NUAK1: variants seen among roughly 807,000 people sequenced by gnomAD.
NUAK1 encodes the protein NUAK family kinase 1.
Under a neutral mutation model 56.9 loss-of-function variants are expected in NUAK1, and 26 were observed. That is an observed-to-expected ratio of 0.46 (90% confidence interval 0.33 to 0.63). NUAK1 has a LOEUF of 0.63. Among genes scored for constraint, NUAK1 ranks in the 30% least tolerant of loss-of-function variants. NUAK1 has a pLI of 0.02. For missense variants in NUAK1, 727 were observed against 876.1 expected (o/e 0.83, Z 2.15); for synonymous variants, 337 against 336.0 (o/e 1.00, Z -0.03).
At chr12:106,097,943 C>T (rs2032711122) in intron 2 of NUAK1, among the ~76,000 whole-genome samples, 1 of 152,222 alleles carries the variant, frequency 6.6e-6, no homozygotes, top group Admixed American at 6.5e-5. Flanking sequence ...GGAGCAGCAA[C>T]ACTTTCTGAT....
At chr12:106,115,507 C>T (rs1317308413) in intron 1 of NUAK1, among the ~76,000 whole-genome samples, 1 of 152,182 alleles carries the variant, frequency 6.6e-6, no homozygotes, top group African/African-American at 2.4e-5. Flanking sequence ...CTCAGGAGCC[C>T]CCGAGGCCTC....
At chr12:106,068,694 G>A (rs2032370833) in intron 6 of NUAK1, among the ~76,000 whole-genome samples, 1 of 152,224 alleles carries the variant, frequency 6.6e-6, no homozygotes, top group Admixed American at 6.5e-5. Context: ...AGAGAATTAG[G>A]GAAAACCCCT....
At chr12:106,087,258 G>A (rs7301800) in intron 2 of NUAK1, among the ~76,000 whole-genome samples, 34,330 of 152,140 alleles carry the variant, frequency 0.23, 3,956 homozygotes, top group East Asian at 0.4. Context: ...CACTGGATAC[G>A]GACCAGGTAG....
intron 1 of NUAK1, among the ~76,000 whole-genome samples, chr12:106,135,776 G>A (rs1202465397): frequency 6.6e-6 from 1 of 152,172 alleles, no homozygotes; most frequent in East Asian, 1.9e-4. Context: ...CACCTTCAAA[G>A]CATGTTGTGA....
At chr12:106,098,603 G>A (rs146691531) in intron 2 of NUAK1, among the ~76,000 whole-genome samples, 138 of 152,256 alleles carry the variant, frequency 9.1e-4, no homozygotes, top group African/African-American at 3.3e-3. Flanking sequence ...ATCTTGCATG[G>A]CCAAGAGGAG....
intron 2 of NUAK1, among the ~76,000 whole-genome samples, chr12:106,092,142 A>T (rs551311325): frequency 6.6e-6 from 1 of 152,274 alleles, no homozygotes; most frequent in African/African-American, 2.4e-5. Flanking sequence ...GTCATTAATC[A>T]TCTCCCCAAA....
At chr12:106,129,122 G>A (rs1026834978) in intron 1 of NUAK1, among the ~76,000 whole-genome samples, 1 of 152,154 alleles carries the variant, frequency 6.6e-6, no homozygotes, top group Non-Finnish European at 1.5e-5. Flanking sequence ...AAAACTACCC[G>A]CCTGGAGCAG....
At chr12:106,092,960 C>T (rs2032651482) in intron 2 of NUAK1, among the ~76,000 whole-genome samples, 1 of 152,136 alleles carries the variant, frequency 6.6e-6, no homozygotes, top group African/African-American at 2.4e-5. Context: ...CGATTTGAGG[C>T]ATTTATCTGG....
rs901525748 is a variant in NUAK1, at chr12:106,064,351, A to C, written c.*2451T>G. On this transcript the variant is annotated 3_prime_UTR_variant, in exon 7 of 7. Transcript: ENST00000261402. Reference sequence around the variant, plus strand: ...CAGGTACCAGCTAATTCATCCCTCCAGCCCTCACTGGAAGGAAAACTTAAC... The same window carrying C: ...CAGGTACCAGCTAATTCATCCCTCCCGCCCTCACTGGAAGGAAAACTTAAC... The C allele has an allele frequency of 6.6e-6, 1 of 152,240 alleles. No homozygotes were observed. The highest frequency in any genetic ancestry group is 2.4e-5 in the African/African-American group (1 of 41,448). 9.4% of individuals were successfully genotyped at this position (152,240 alleles called of 1,614,324 possible). A position where few individuals can be genotyped will look rare whatever the true frequency, so the allele number is the denominator to read the frequency against.
Position 106,090,153 on chromosome 12 carries a change from G to A in NUAK1, c.362-3268C>T, listed in dbSNP as rs77068019. Among the ~76,000 whole-genome samples the A allele has an allele frequency of 7.8e-3, 1,186 of 152,226 alleles. 20 individuals carry two copies. The highest frequency in any genetic ancestry group is 0.027 in the African/African-American group (1,130 of 41,536). ...ACACTGGATGAATGAGATGATACCC[G>A]AGGGATAAAACTGGCCCCTCATTCT... On this transcript the variant is annotated intron_variant, in intron 2 of 6. Coordinates refer to ENST00000261402, the MANE Select transcript of NUAK1 (RefSeq NM_014840.3).
At chr12:106,097,609 CTGTT>C (rs1263599643) in intron 2 of NUAK1, among the ~76,000 whole-genome samples, 2 of 152,186 alleles carry the variant, frequency 1.3e-5, no homozygotes, top group African/African-American at 2.4e-5. Context: ...GAAACATAAA[CTGTT>C]TGTAGATATT....
At position 106,067,878 on chromosome 12, in the gene NUAK1, A is replaced by C; in HGVS notation, c.910T>G (p.Trp304Gly). 1 of 1,614,150 alleles carries C rather than the reference A, an allele frequency of 6.2e-7. No homozygotes were observed. The highest frequency in any genetic ancestry group is 8.5e-7 in the Non-Finnish European group (1 of 1,180,010). The change falls in exon 7 of 7, where the codon TGG becomes GGG. Residue 304 changes from tryptophan (W) to glycine (G), a missense_variant. By Grantham distance (184) the Trp-to-Gly change is radical. Transcript: ENST00000261402. The surrounding 1 kb of genome is among the most constrained non-coding windows in gnomAD (Gnocchi z 6.0). ...CTCTTATAGCCCCAGTTCACCCACC[A>C]GTGGTTGGCAATGTCCTCAATAGTG... ...RATIEDIANH[W>G]WVNWGYKSSV...
chr12:106,102,298 G>T (rs1343807495), intron 2 of NUAK1, among the ~76,000 whole-genome samples: 1 of 152,068 alleles, frequency 6.6e-6, no homozygotes, highest in Non-Finnish European at 1.5e-5. Context: ...TCAGAAAAAA[G>T]TAACTCATGC....
intron 2 of NUAK1, among the ~76,000 whole-genome samples, chr12:106,089,967 T>C (rs1401835466): frequency 6.6e-6 from 1 of 152,152 alleles, no homozygotes; most frequent in Non-Finnish European, 1.5e-5. Flanking sequence ...GCAAGCTATC[T>C]TGAAGAAGAA....
At chr12:106,132,818 C>T (rs2033092428) in intron 1 of NUAK1, among the ~76,000 whole-genome samples, 1 of 152,256 alleles carries the variant, frequency 6.6e-6, no homozygotes, top group Non-Finnish European at 1.5e-5. Flanking sequence ...AGCCAGCACA[C>T]CAAACTGACG....
rs2032302082 is a variant in NUAK1 at position 106,063,390 on chromosome 12, A to G, written c.*3412T>C. ...TTAATTTAAAAATAAAAACAGAAAC[A>G]AAAACCAAAATGAAACAAAAATCAG... On this transcript the variant is annotated 3_prime_UTR_variant, in exon 7 of 7. Coordinates refer to ENST00000261402, the MANE Select transcript of NUAK1 (RefSeq NM_014840.3). 1 of 152,492 alleles carries G rather than the reference A, an allele frequency of 6.6e-6. No homozygotes were observed. The highest frequency in any genetic ancestry group is 2.4e-5 in the African/African-American group (1 of 41,460). 9.4% of individuals were successfully genotyped at this position (152,492 alleles called of 1,614,324 possible). A position where few individuals can be genotyped will look rare whatever the true frequency, so the allele number is the denominator to read the frequency against.
At chr12:106,078,703 T>C (rs1336665900) in intron 4 of NUAK1, among the ~76,000 whole-genome samples, 1 of 152,224 alleles carries the variant, frequency 6.6e-6, no homozygotes, top group Non-Finnish European at 1.5e-5. Flanking sequence ...AAGCTCATGC[T>C]GCCTCTCTTA....
In NUAK1 at chr12:106,066,424, C is replaced by T. The variant is rs894192704; in HGVS notation, c.*378G>A. The T allele has an allele frequency of 1.0e-5, 2 of 198,374 alleles. No individual in the cohort carries two copies. Among genetic ancestry groups the T allele is most frequent in the Admixed American group, 1.1e-4 (2 of 18,992 alleles). 12.3% of individuals were successfully genotyped at this position (198,374 alleles called of 1,614,324 possible). On this transcript the variant is annotated 3_prime_UTR_variant, in exon 7 of 7. Transcript: ENST00000261402. ...GTTCTTTGGGCTCACCCAAGGCAAA[C>T]AGCCCAAGTGTCTCCTGCCCCTCCT...
intron 4 of NUAK1, among the ~76,000 whole-genome samples, chr12:106,077,004 C>A (rs1053175414): frequency 6.6e-6 from 1 of 152,180 alleles, no homozygotes. Context: ...TTTGATGTTA[C>A]ATATATTTTA....
Sources: gnomAD v4.1 joint callset for allele counts (sites outside exome capture counted in the v4.1 genomes callset) on GRCh38, gnomAD v4.1.1 for gene constraint, Gnocchi (gnomAD v3.1) non-coding constraint, MANE v1.5 for transcripts, NCBI Gene and HGNC (gene_info 2026-07-23, HGNC 2026-07-21) for gene names.